The following PDS5B variants were observed in gnomAD, a reference collection of about 807,000 sequenced individuals.
PDS5B encodes sister chromatid cohesion protein PDS5 homolog B.
PDS5B carries 51 observed loss-of-function variants against 184.1 expected under a neutral mutation model. The observed-to-expected ratio is 0.28, with a 90% CI of 0.22 to 0.35. PDS5B has a LOEUF of 0.35. PDS5B is among the 10% of genes least tolerant of loss of function. The pLI is 1.00. For missense variants in PDS5B, 1,180 were observed against 1,723.3 expected, an observed-to-expected ratio of 0.68 and a Z score of 5.58; for synonymous variants, 566 against 569.2, an observed-to-expected ratio of 0.99 and a Z score of 0.08.
chr13:32,671,237 T>C (rs920566106), intron 7 of PDS5B, among the ~76,000 whole-genome samples: 5 of 152,296 alleles, frequency 3.3e-5, no homozygotes, highest in Admixed American at 2.0e-4. Flanking sequence ...GTCATTGCCT[T>C]TTTGGAGATT....
chr13:32,757,626 T>G (rs1593619969), intron 26 of PDS5B, among the ~76,000 whole-genome samples: 2 of 152,206 alleles, frequency 1.3e-5, no homozygotes, highest in East Asian at 1.9e-4. Flanking sequence ...TGACTTTTTC[T>G]CTCTATTATT....
At chr13:32,707,702 AAATCGAGATAAT>A (rs1308991503) in intron 18 of PDS5B, among the ~76,000 whole-genome samples, 3 of 144,120 alleles carry the variant, frequency 2.1e-5, no homozygotes, top group Non-Finnish European at 4.4e-5. Flanking sequence ...TCCTCATATG[AAATCGAGATAAT>A]AATAAAGTAC....
chr13:32,705,455 C>A (rs1951982741), intron 17 of PDS5B, among the ~76,000 whole-genome samples: 1 of 151,946 alleles, frequency 6.6e-6, no homozygotes, highest in Admixed American at 6.6e-5. Flanking sequence ...TTAAGGGGAC[C>A]CTATAATGGG....
intron 31 of PDS5B, among the ~76,000 whole-genome samples, chr13:32,764,977 C>A (rs907707162): frequency 6.6e-6 from 1 of 152,038 alleles, no homozygotes; most frequent in Non-Finnish European, 1.5e-5. Flanking sequence ...AAACTTCTTT[C>A]ATTTAATTTA....
At chr13:32,702,744 A>G (rs1015374284) in intron 17 of PDS5B, among the ~76,000 whole-genome samples, 3 of 152,220 alleles carry the variant, frequency 2.0e-5, no homozygotes, top group Admixed American at 2.0e-4. Flanking sequence ...ATGTGGCATC[A>G]TATAAAACTG....
chr13:32,673,960 C>CG (rs11369992), intron 8 of PDS5B, among the ~76,000 whole-genome samples: 152,144 of 152,164 alleles, frequency 1, 76,062 homozygotes, highest in Middle Eastern at 1. Context: ...GGACTACAGG[C>CG]TGTGCCACCA....
At chr13:32,719,722 C>T (rs971341882) in intron 19 of PDS5B, among the ~76,000 whole-genome samples, 4 of 151,776 alleles carry the variant, frequency 2.6e-5, no homozygotes, top group African/African-American at 9.7e-5. Context: ...AAATGATATG[C>T]TGGAAAACTA....
chr13:32,728,790 T>A (rs1315989158), intron 19 of PDS5B, among the ~76,000 whole-genome samples: 1 of 152,166 alleles, frequency 6.6e-6, no homozygotes, highest in Non-Finnish European at 1.5e-5. Context: ...TTATCTCTTC[T>A]GGGCATTTAA....
Position 32,775,162 on chromosome 13 carries a change from T to G in PDS5B, c.*110T>G. 2 of 898,922 alleles carry G rather than the reference T, an allele frequency of 2.2e-6. No homozygotes were observed. Among genetic ancestry groups the G allele is most frequent in the Non-Finnish European group, 3.4e-6 (2 of 581,972 alleles). 55.7% of individuals were successfully genotyped at this position (898,922 alleles called of 1,614,324 possible). ...CCTTTGATGCACAAAATGGGACTGC[T>G]GAAGAGTGGACAGTTGGACCTTACT... On this transcript the variant is annotated 3_prime_UTR_variant, in exon 35 of 35. Coordinates refer to ENST00000315596, the MANE Select transcript of PDS5B (RefSeq NM_015032.4).
At chr13:32,704,272 A>C (rs756903107) in intron 17 of PDS5B, among the ~76,000 whole-genome samples, 1 of 151,986 alleles carries the variant, frequency 6.6e-6, no homozygotes, top group Non-Finnish European at 1.5e-5. Flanking sequence ...GTGATCAAGC[A>C]ATTCTCCTGC....
chr13:32,694,402 CA>C, intron 14 of PDS5B, 98 bp downstream of exon 14: 1 of 782,626 alleles, frequency 1.3e-6, no homozygotes, highest in East Asian at 2.6e-5. Flanking sequence ...TTTCTGTTTG[CA>C]AAAGTTCTGA....
At chr13:32,657,381 A>G (rs1232293230) in intron 3 of PDS5B, among the ~76,000 whole-genome samples, 1 of 152,182 alleles carries the variant, frequency 6.6e-6, no homozygotes, top group Non-Finnish European at 1.5e-5. Context: ...TTAGAATAGC[A>G]ACCCCTGCTT....
chr13:32,593,854 A>AGGTGGAAGAGAGAGAGGG (rs1319116276), intron 1 of PDS5B, among the ~76,000 whole-genome samples: 1 of 152,040 alleles, frequency 6.6e-6, no homozygotes, highest in Non-Finnish European at 1.5e-5. Context: ...GAGAGAGAGG[A>AGGTGGAAGAGAGAGAGGG]GGTGGAAGAG....
intron 17 of PDS5B, 86 bp from the exon 18 acceptor site, chr13:32,706,848 A>G (rs1013601170): frequency 5.7e-6 from 4 of 707,192 alleles, no homozygotes; most frequent in East Asian, 2.7e-5. Context: ...GTATATATGT[A>G]TGTGCACATA....
intron 1 of PDS5B, among the ~76,000 whole-genome samples, chr13:32,591,920 T>C (rs900048585): frequency 2.6e-5 from 4 of 152,108 alleles, no homozygotes; most frequent in African/African-American, 9.7e-5. Context: ...GGAGCAATGC[T>C]CTGAATGGAG....
chr13:32,623,032 C>T (rs931403695), intron 1 of PDS5B, among the ~76,000 whole-genome samples: 3 of 152,052 alleles, frequency 2.0e-5, no homozygotes, highest in Non-Finnish European at 2.9e-5. Flanking sequence ...GTCTAGGGAA[C>T]GAGTTCTGCT....
chr13:32,598,575 G>T (rs1452987503), intron 1 of PDS5B, among the ~76,000 whole-genome samples: 1 of 151,892 alleles, frequency 6.6e-6, no homozygotes, highest in Non-Finnish European at 1.5e-5. Flanking sequence ...GGCTCAAGCA[G>T]TCCTCCTGCC....
At chr13:32,645,496 T>TA (rs1950194554) in intron 1 of PDS5B, among the ~76,000 whole-genome samples, 1 of 152,246 alleles carries the variant, frequency 6.6e-6, no homozygotes, top group Admixed American at 6.5e-5. Flanking sequence ...TTTTGTTTCT[T>TA]AATCATTTTT....
chr13:32,620,172 G>T (rs141932300), intron 1 of PDS5B, among the ~76,000 whole-genome samples: 3 of 152,156 alleles, frequency 2.0e-5, no homozygotes, highest in Non-Finnish European at 2.9e-5. Context: ...GCTTTGGCTG[G>T]TATGTGGAAA....
Sources: gnomAD v4.1 joint callset for allele counts (sites outside exome capture counted in the v4.1 genomes callset) on GRCh38, gnomAD v4.1.1 for gene constraint, MANE v1.5 for transcripts, NCBI Gene and HGNC (gene_info 2026-07-23, HGNC 2026-07-21) for gene names.